MYO5B: variants seen among roughly 807,000 people sequenced by gnomAD.
MYO5B encodes the protein unconventional myosin-Vb.
Under a neutral mutation model 229.3 loss-of-function variants are expected in MYO5B, and 143 were observed. The observed-to-expected ratio is 0.62, with a 90% CI of 0.54 to 0.72. The LOEUF (loss-of-function observed/expected upper bound fraction) is 0.72. Among genes scored for constraint, MYO5B ranks in the 30% least tolerant of loss-of-function variants. MYO5B has a pLI of 0.00. For missense variants in MYO5B, 2,321 were observed against 2,331.0 expected, an observed-to-expected ratio of 1.00 and a Z score of 0.09; for synonymous variants, 918 against 885.2, an observed-to-expected ratio of 1.04 and a Z score of -0.66.
intron 4 of MYO5B, among the ~76,000 whole-genome samples, chr18:50,005,872 G>T (rs1203835800): frequency 6.6e-6 from 1 of 152,074 alleles, no homozygotes; most frequent in Non-Finnish European, 1.5e-5. Context: ...CATGTCCAAT[G>T]CCTGGACAGT....
intron 14 of MYO5B, among the ~76,000 whole-genome samples, chr18:49,939,576 G>A (rs1317852646): frequency 6.6e-6 from 1 of 152,202 alleles, no homozygotes; most frequent in South Asian, 2.1e-4. Context: ...TGTGGCAGGT[G>A]AGGATGTAGG....
At position 50,055,254 on chromosome 18, in the gene MYO5B, G is replaced by A. The variant is rs369505139; in HGVS notation, c.138+14C>T. The stretch of plus-strand genomic sequence containing the variant: ...CACCTCACCCCCGCCCCCCTGCCCC[G>A]GACTCACTCTTACCGTTTCATCCTC... On this transcript the variant is annotated intron_variant, in intron 2 of 39. Transcript: ENST00000285039. 88 of 170,602 alleles carry A rather than the reference G, an allele frequency of 5.2e-4. No individual in the cohort carries two copies. Among genetic ancestry groups the A allele is most frequent in the Non-Finnish European group, 8.1e-4 (76 of 93,692 alleles). 10.6% of individuals were successfully genotyped at this position (170,602 alleles called of 1,614,324 possible).
chr18:49,913,150 C>A (rs1213963736), intron 17 of MYO5B, among the ~76,000 whole-genome samples: 3 of 152,148 alleles, frequency 2.0e-5, no homozygotes, highest in Non-Finnish European at 4.4e-5. Flanking sequence ...AACACCCCTA[C>A]CTATGTAGGT....
At chr18:50,035,971 T>C (rs2026443755) in intron 4 of MYO5B, among the ~76,000 whole-genome samples, 2 of 152,172 alleles carry the variant, frequency 1.3e-5, no homozygotes, top group African/African-American at 4.8e-5. Context: ...ATGAAAATGA[T>C]ACCCTGAAAT....
intron 12 of MYO5B, among the ~76,000 whole-genome samples, chr18:49,956,643 GAACTGAATCCTTTAAAAAGGA>G (rs1336287489): frequency 6.7e-6 from 1 of 149,494 alleles, no homozygotes; most frequent in Admixed American, 6.7e-5. Flanking sequence ...ATATGCAGCT[GAACTGAATCCTTTAAAAAGGA>G]AATGCACATA....
intron 17 of MYO5B, among the ~76,000 whole-genome samples, chr18:49,917,203 C>T (rs892838038): frequency 3.3e-5 from 5 of 152,224 alleles, no homozygotes; most frequent in Non-Finnish European, 7.3e-5. Context: ...TCAAGTCTGT[C>T]TCTGATCCAC....
At chr18:49,962,235 G>C in intron 12 of MYO5B, 31 bp downstream of exon 12, 2 of 1,613,580 alleles carry the variant, frequency 1.2e-6, no homozygotes, top group Middle Eastern at 1.7e-4. Flanking sequence ...CCCTACCCTA[G>C]AATTGAACTA....
At chr18:49,991,762 GTGTATACC>G (rs777333528) in intron 6 of MYO5B, among the ~76,000 whole-genome samples, 3 of 152,118 alleles carry the variant, frequency 2.0e-5, no homozygotes, top group Non-Finnish European at 4.4e-5. Context: ...ACCATGGCAT[GTGTATACC>G]TATGTAACAA....
At chr18:50,054,928 C>T (rs900777681) in intron 2 of MYO5B, among the ~76,000 whole-genome samples, 1 of 152,128 alleles carries the variant, frequency 6.6e-6, no homozygotes, top group African/African-American at 2.4e-5. Context: ...AACCACTGTG[C>T]CCTGCAGGGA....
chr18:50,023,958 A>C (rs2026304349), intron 4 of MYO5B, among the ~76,000 whole-genome samples: 1 of 152,214 alleles, frequency 6.6e-6, no homozygotes, highest in Non-Finnish European at 1.5e-5. Context: ...GCACTACCTC[A>C]ACACATACTC....
chr18:50,109,245 C>T (rs1323786500), intron 1 of MYO5B, among the ~76,000 whole-genome samples: 1 of 152,044 alleles, frequency 6.6e-6, no homozygotes, highest in African/African-American at 2.4e-5. Context: ...CATACCTTTC[C>T]AAGAAAATGG....
chr18:49,865,209 T>C (rs987017388), intron 27 of MYO5B, among the ~76,000 whole-genome samples: 2 of 152,076 alleles, frequency 1.3e-5, no homozygotes, highest in Non-Finnish European at 2.9e-5. Flanking sequence ...AGAATGAATC[T>C]CTTGATTTGC....
At chr18:49,990,553 C>G in intron 6 of MYO5B, 33 bp from the exon 7 acceptor site, 34 of 1,570,726 alleles carry the variant, frequency 2.2e-5, no homozygotes, top group Non-Finnish European at 2.9e-5. Flanking sequence ...AGTTTTAGGG[C>G]AGTGACCTCT....
chr18:49,869,367 C>T (rs2024432751), intron 27 of MYO5B, among the ~76,000 whole-genome samples: 1 of 152,212 alleles, frequency 6.6e-6, no homozygotes, highest in South Asian at 2.1e-4. Flanking sequence ...ATGAGTGCTT[C>T]CTTACATGGG....
chr18:50,081,438 C>G (rs1393579004), intron 1 of MYO5B, among the ~76,000 whole-genome samples: 1 of 152,192 alleles, frequency 6.6e-6, no homozygotes, highest in Non-Finnish European at 1.5e-5. Context: ...ACTCTACACA[C>G]AGGTGATTCA....
intron 4 of MYO5B, among the ~76,000 whole-genome samples, chr18:50,010,146 A>C (rs1018890156): frequency 1.3e-5 from 2 of 152,236 alleles, no homozygotes; most frequent in African/African-American, 4.8e-5. Context: ...ATGAAAATGA[A>C]CCTTCTGATA....
At chr18:49,918,967 T>C (rs1044276899) in intron 17 of MYO5B, among the ~76,000 whole-genome samples, 1 of 152,204 alleles carries the variant, frequency 6.6e-6, no homozygotes, top group Admixed American at 6.5e-5. Context: ...ATCCTTAACC[T>C]GTGGACATGC....
chr18:49,981,037 G>A (rs1455822542), intron 8 of MYO5B, among the ~76,000 whole-genome samples: 1 of 152,222 alleles, frequency 6.6e-6, no homozygotes, highest in African/African-American at 2.4e-5. Flanking sequence ...TGCTGTTCTG[G>A]GGCTGGATGG....
Position 49,863,270 on chromosome 18 carries a change from C to T in MYO5B, c.3901G>A (p.Glu1301Lys). Residue 1301 changes from glutamate to lysine, a missense_variant, in exon 29 of 40, where the codon GAG becomes AAG. By Grantham distance (56) the Glu-to-Lys change is moderately conservative. Around this residue, in one of 2 missense-constraint regions of MYO5B, gnomAD observed 2,113 missense variants for 2,044.7 expected, o/e 1.03. Coordinates refer to ENST00000285039, the MANE Select transcript of MYO5B (RefSeq NM_001080467.3). Reference sequence around the variant, plus strand: ...CCGTGATAGGCCTCAATGGCATCCTCCTGGTCAACATGCTTTTCACTGTTA... The same window carrying T: ...CCGTGATAGGCCTCAATGGCATCCTTCTGGTCAACATGCTTTTCACTGTTA... ...WPNSEKHVDQEDAIEAYHGVC... is the reference protein window; with the variant it reads ...WPNSEKHVDQKDAIEAYHGVC... 1.2e-6 allele frequency: 2 copies of T among 1,613,744 alleles called. No homozygotes were observed. The highest frequency in any genetic ancestry group is 1.7e-6 in the Non-Finnish European group (2 of 1,180,024).
Sources: allele counts gnomAD v4.1 joint callset (sites outside exome capture counted in the v4.1 genomes callset), GRCh38; gene constraint gnomAD v4.1.1; regional missense constraint gnomAD v4.1.1; transcripts MANE v1.5; gene names NCBI Gene and HGNC (gene_info 2026-07-23, HGNC 2026-07-21).